HIBCH: variants seen among roughly 807,000 people sequenced by gnomAD.
HIBCH encodes 3-hydroxyisobutyryl-CoA hydrolase, mitochondrial.
In HIBCH, 50 loss-of-function variants were observed where a neutral mutation model predicts 58.2. That is an observed-to-expected ratio of 0.86 (90% CI 0.68 to 1.09). The LOEUF (loss-of-function observed/expected upper bound fraction) is 1.09, where lower values mean the gene tolerates loss of function less well. Among genes scored for constraint, HIBCH ranks in the 50% least tolerant of loss-of-function variants. The pLI is 0.00. For synonymous variants in HIBCH, 151 were observed against 146.9 expected (o/e 1.03, Z -0.20); for missense variants, 450 against 449.7 (o/e 1.00, Z -0.01).
intron 6 of HIBCH, among the ~76,000 whole-genome samples, chr2:190,266,095 A>G (rs1687227386): frequency 6.6e-6 from 1 of 152,154 alleles, no homozygotes; most frequent in African/African-American, 2.4e-5. Flanking sequence ...TACAGATTGC[A>G]ACCTTAATTC....
At chr2:190,259,611 T>G (rs558835804) in intron 7 of HIBCH, among the ~76,000 whole-genome samples, 36 of 152,334 alleles carry the variant, frequency 2.4e-4, no homozygotes, top group Non-Finnish European at 4.4e-4. Flanking sequence ...TTATTCTTTT[T>G]GATGCTTTTG....
At chr2:190,305,263 C>T (rs961282201) in intron 2 of HIBCH, among the ~76,000 whole-genome samples, 4 of 151,938 alleles carry the variant, frequency 2.6e-5, no homozygotes, top group Admixed American at 1.3e-4. Context: ...AAGATGAGTC[C>T]GAGATGACTT....
chr2:190,306,614 G>A lies in HIBCH; in HGVS notation c.78+4140C>T, dbSNP rs1444130172. 1.3e-5 allele frequency among the ~76,000 whole-genome samples: 2 copies of A among 152,090 alleles called. No individual in the cohort carries two copies. Among genetic ancestry groups the A allele is most frequent in the East Asian group, 1.9e-4 (1 of 5,188 alleles). The stretch of plus-strand genomic sequence containing the variant: ...AGAGAAACCTTGCTCAGTGTTGCTC[G>A]CTGTGCCACTCATAAAAAATTCTAT... On this transcript the variant is annotated intron_variant, in intron 2 of 13. Coordinates refer to ENST00000359678, the MANE Select transcript of HIBCH (RefSeq NM_014362.4). This position sits in a 1 kb window ranked among gnomAD's most constrained non-coding sequence, Gnocchi z 4.6.
At chr2:190,263,577 C>T (rs147684377) in intron 6 of HIBCH, among the ~76,000 whole-genome samples, 1 of 152,138 alleles carries the variant, frequency 6.6e-6, no homozygotes, top group African/African-American at 2.4e-5. Flanking sequence ...TTTTAAGCAC[C>T]ACCTAAAACA....
At chr2:190,219,247 G>A (rs1685648173) in intron 11 of HIBCH, among the ~76,000 whole-genome samples, 2 of 151,778 alleles carry the variant, frequency 1.3e-5, no homozygotes, top group Non-Finnish European at 2.9e-5. Context: ...AAGAACTAAA[G>A]GACACAAAAA....
chr2:190,226,365 G>A lies in HIBCH; in HGVS notation c.892-13290C>T, dbSNP rs564050633. 2.0e-5 allele frequency among the ~76,000 whole-genome samples: 3 copies of A among 152,286 alleles called. No homozygotes were observed. In the South Asian group the frequency reaches 6.2e-4, roughly 32 times the overall value. ...AATCCCAGCACTTTGGGAGGTCGAGGCGGGCAGATCACCTGAGGTCAGGAG... is the reference window on the plus strand; with the variant it reads ...AATCCCAGCACTTTGGGAGGTCGAGACGGGCAGATCACCTGAGGTCAGGAG... On this transcript the variant is annotated intron_variant, in intron 11 of 13. Coordinates refer to ENST00000359678, the MANE Select transcript of HIBCH (RefSeq NM_014362.4).
chr2:190,261,300 T>C, intron 6 of HIBCH, 66 bp from the exon 7 acceptor site: 1 of 1,125,580 alleles, frequency 8.9e-7, no homozygotes, highest in Non-Finnish European at 1.4e-6. Context: ...ACAAGCAAAT[T>C]CACACACTTA....
chr2:190,319,284 G>A (rs1688785574), intron 1 of HIBCH, among the ~76,000 whole-genome samples: 1 of 152,220 alleles, frequency 6.6e-6, no homozygotes, highest in Admixed American at 6.5e-5. Flanking sequence ...AGCCATGCAA[G>A]AAAGCTGAAT....
chr2:190,287,124 C>T (rs1385384219), intron 6 of HIBCH, among the ~76,000 whole-genome samples: 1 of 151,584 alleles, frequency 6.6e-6, no homozygotes, highest in African/African-American at 2.4e-5. Context: ...TGCAGTGGTG[C>T]AATCTCAGCT....
chr2:190,257,099 A>C (rs1323045083), intron 7 of HIBCH, among the ~76,000 whole-genome samples: 2 of 152,212 alleles, frequency 1.3e-5, no homozygotes, highest in South Asian at 2.1e-4. Context: ...CAATAACCAC[A>C]AGCATTAGAA....
chr2:190,310,019 G>C (rs1688517398), intron 2 of HIBCH, among the ~76,000 whole-genome samples: 3 of 152,192 alleles, frequency 2.0e-5, no homozygotes, highest in Non-Finnish European at 4.4e-5. Context: ...AGCTTCCAGA[G>C]TGGCTAGAAT....
At chr2:190,200,067 CTTG>C, downstream of HIBCH, 1 of 1,614,080 alleles carries the variant, frequency 6.2e-7, no homozygotes, top group Non-Finnish European at 8.5e-7. Context: ...CTCAGGATAT[CTTG>C]TGTGATGCCT....
chr2:190,255,848 A>AGAGAGT lies in HIBCH; in HGVS notation c.518-3542_518-3541insACTCTC, dbSNP rs1553501218. Among the ~76,000 whole-genome samples, 5 of 151,068 alleles carry AGAGAGT rather than the reference A, an allele frequency of 3.3e-5. No homozygotes were observed. The East Asian group carries it at 7.9e-4, about 24-fold the overall frequency. Reference sequence around the variant, plus strand: ...GGAATGGAGAGAGAGAGAGAGAGAGAGTGTGTGTGTGTGTCAAGAAACTAC... The same window carrying AGAGAGT: ...GGAATGGAGAGAGAGAGAGAGAGAGAGAGAGTGTGTGTGTGTGTGTCAAGAAACTAC... On this transcript the variant is annotated intron_variant, in intron 7 of 13. Transcript: ENST00000359678.
chr2:190,317,395 A>C (rs1688730374), intron 1 of HIBCH, among the ~76,000 whole-genome samples: 1 of 152,282 alleles, frequency 6.6e-6, no homozygotes, highest in South Asian at 2.1e-4. Flanking sequence ...AAAACCAAGT[A>C]GTCCAGAGTG....
rs578254514 is a variant in HIBCH at position 190,304,644 on chromosome 2, T to G, written c.78+6110A>C. On this transcript the variant is annotated intron_variant, in intron 2 of 13. Coordinates refer to ENST00000359678, the MANE Select transcript of HIBCH (RefSeq NM_014362.4). This position sits in a 1 kb window ranked among gnomAD's most constrained non-coding sequence, Gnocchi z 4.1. ...ATTCTCAGTTTTGATAAGTGTACCA[T>G]AGTAAGAATAGTAGGCAGTTTGCTA... 6.6e-6 allele frequency among the ~76,000 whole-genome samples: 1 copy of G among 152,284 alleles called. No individual in the cohort carries two copies. The highest frequency in any genetic ancestry group is 1.9e-4 in the East Asian group (1 of 5,186).
chr2:190,232,064 G>T (rs533891837), intron 11 of HIBCH, among the ~76,000 whole-genome samples: 8 of 151,920 alleles, frequency 5.3e-5, no homozygotes, highest in African/African-American at 1.9e-4. Flanking sequence ...GCATGGTGGC[G>T]GGTGCCTGTA....
chr2:190,250,444 A>G (rs557937545), intron 8 of HIBCH: 23 of 460,104 alleles, frequency 5.0e-5, no homozygotes, highest in Middle Eastern at 3.3e-4. Context: ...TCGCATCCCC[A>G]AAGTATATTC....
chr2:190,261,352 A>T lies in HIBCH; in HGVS notation c.439-118T>A, dbSNP rs891931167. ...GTAAATTATCTTTATACTCCACAGG[A>T]ACTTGCTTCAGGGAATAGGTTGTCC... is the stretch of plus-strand genomic sequence containing the variant. On this transcript the variant is annotated intron_variant, in intron 6 of 13. Transcript: ENST00000359678. The T allele has an allele frequency of 6.8e-6, 5 of 738,376 alleles. No homozygotes were observed. The East Asian group carries it at 1.1e-4, about 16-fold the overall frequency. 45.7% of individuals were successfully genotyped at this position (738,376 alleles called of 1,614,324 possible). A position where few individuals can be genotyped will look rare whatever the true frequency, so the allele number is the denominator to read the frequency against.
intron 7 of HIBCH, among the ~76,000 whole-genome samples, chr2:190,257,184 C>T (rs1229857459): frequency 6.6e-6 from 1 of 151,688 alleles, no homozygotes; most frequent in Non-Finnish European, 1.5e-5. Context: ...TAAGAGCAGC[C>T]AAAGAAAATA....
Sources: gnomAD v4.1 joint callset for allele counts (sites outside exome capture counted in the v4.1 genomes callset) on GRCh38, gnomAD v4.1.1 for gene constraint, Gnocchi (gnomAD v3.1) non-coding constraint, MANE v1.5 for transcripts, NCBI Gene and HGNC (gene_info 2026-07-23, HGNC 2026-07-21) for gene names.